Variants in UBIAD1 observed in about 807,000 individuals in gnomAD.
UBIAD1 encodes the protein ubiA prenyltransferase domain-containing protein 1.
Under a neutral mutation model 20.1 loss-of-function variants are expected in UBIAD1, and 12 were observed. The ratio of observed to expected loss-of-function variants is 0.60; its 90% CI spans 0.38 to 0.97. The LOEUF (loss-of-function observed/expected upper bound fraction) is 0.97, where lower values mean the gene tolerates loss of function less well. Among genes scored for constraint, UBIAD1 ranks in the 50% least tolerant of loss-of-function variants. The pLI is 0.00. For synonymous variants in UBIAD1, 207 were observed against 189.2 expected (o/e 1.09, Z -0.77); for missense variants, 333 against 419.5 (o/e 0.79, Z 1.80).
At chr1:11,293,006 G>A (rs899181852), downstream of UBIAD1, among the ~76,000 whole-genome samples, 1 of 152,158 alleles carries the variant, frequency 6.6e-6, no homozygotes, top group South Asian at 2.1e-4. Context: ...GCCTGAGGAG[G>A]GGGCAAAGGC....
chr1:11,291,057 G>A (rs192471599), downstream of UBIAD1, among the ~76,000 whole-genome samples: 575 of 152,294 alleles, frequency 3.8e-3, 4 homozygotes, highest in Non-Finnish European at 4.9e-3. Context: ...CTTCCATGCA[G>A]ATTAATATGA....
At chr1:11,278,595 T>C (rs554494402) in intron 1 of UBIAD1, 52 of 1,365,382 alleles carry the variant, frequency 3.8e-5, no homozygotes, top group Non-Finnish European at 4.6e-5. Flanking sequence ...TAAGACAAGT[T>C]TGAGATCCAC....
chr1:11,277,499 C>T (rs1445978331), intron 1 of UBIAD1, among the ~76,000 whole-genome samples: 1 of 151,540 alleles, frequency 6.6e-6, no homozygotes, highest in Admixed American at 6.6e-5. Flanking sequence ...CTCTCTAACT[C>T]CTCACCTCAA....
At chr1:11,294,707 AC>A (rs777023687) in intron 1 of UBIAD1, among the ~76,000 whole-genome samples, 5 of 152,180 alleles carry the variant, frequency 3.3e-5, no homozygotes, top group Admixed American at 6.5e-5. Flanking sequence ...GGTCTAACCT[AC>A]TCTGGCTGGC....
Position 11,273,959 on chromosome 1 carries a change from G to C in UBIAD1, c.428G>C (p.Cys143Ser). The C allele has an allele frequency of 6.2e-7, 1 of 1,614,218 alleles. No individual in the cohort carries two copies. Residue 143 changes from cysteine (C) to serine (S), a missense_variant, in exon 1 of 2, where the codon TGC (cysteine) becomes TCC (serine). Physicochemically the swap from Cys to Ser is moderately radical, Grantham distance 112 (BLOSUM62 -1). Transcript: ENST00000376810. This position sits in a 1 kb window ranked among gnomAD's most constrained non-coding sequence, Gnocchi z 4.9. Reference protein sequence around the residue: ...RFGVFLYTLGCVCAACLYYLS... With the variant: ...RFGVFLYTLGSVCAACLYYLS... ...GGAGTCTTCCTCTACACGTTGGGCT[G>C]CGTCTGTGCCGCTTGCCTCTACTAC...
In UBIAD1 at chr1:11,285,745, G is replaced by A; in HGVS notation, c.631G>A (p.Ala211Thr). The A allele has an allele frequency of 6.2e-7, 1 of 1,614,106 alleles. No homozygotes were observed. Among genetic ancestry groups the A allele is most frequent in the East Asian group, 2.2e-5 (1 of 44,880 alleles). The change falls in exon 2 of 2, where the codon GCC becomes ACC. Residue 211 changes from alanine to threonine, a missense_variant. Transcript: ENST00000376810. This position sits in a 1 kb window ranked among gnomAD's most constrained non-coding sequence, Gnocchi z 4.4. ...CTACGCCATCCAGGTGGGGTCCCTGGCCATCTTCCCACTGGTCTATGCCAT... is the reference window on the plus strand; with the variant it reads ...CTACGCCATCCAGGTGGGGTCCCTGACCATCTTCCCACTGGTCTATGCCAT... ...FAYAIQVGSL[A>T]IFPLVYAIPL...
chr1:11,287,493 A>C lies in UBIAD1; in HGVS notation c.*1362A>C, dbSNP rs1033568156. 3.3e-5 allele frequency: 5 copies of C among 152,352 alleles called. No individual in the cohort carries two copies. The highest frequency in any genetic ancestry group is 1.9e-4 in the East Asian group (1 of 5,190). 9.4% of individuals were successfully genotyped at this position (152,352 alleles called of 1,614,324 possible). On this transcript the variant is annotated 3_prime_UTR_variant, in exon 2 of 2. Coordinates refer to ENST00000376810, the MANE Select transcript of UBIAD1 (RefSeq NM_013319.3). ...CATCATTGTTTTCTGTTGTGATTAT[A>C]GCCATTCTAGTAGGCGTTTAAGGTC...
chr1:11,294,373 TC>T (rs369896631), intron 1 of UBIAD1, among the ~76,000 whole-genome samples: 98 of 152,272 alleles, frequency 6.4e-4, no homozygotes, highest in Middle Eastern at 3.4e-3. Context: ...GGTCTCAAAC[TC>T]CTGGCCTCAA....
chr1:11,295,005 AG>A (rs1638425055), exon 2 of UBIAD1: 1 of 713,462 alleles, frequency 1.4e-6, no homozygotes, highest in Admixed American at 2.0e-5. Flanking sequence ...AGGAGAGGGA[AG>A]TGAGCCCCTT....
downstream of UBIAD1, among the ~76,000 whole-genome samples, chr1:11,291,586 G>A (rs1475599654): frequency 7.2e-6 from 1 of 139,710 alleles, no homozygotes; most frequent in African/African-American, 2.7e-5. Flanking sequence ...CAGCCTGGGT[G>A]ACAGAGCGAG....
intron 1 of UBIAD1, among the ~76,000 whole-genome samples, chr1:11,280,957 C>T (rs1018789004): frequency 2.0e-5 from 3 of 152,180 alleles, no homozygotes; most frequent in African/African-American, 7.2e-5. Flanking sequence ...TACAGTGACT[C>T]CCTAGGGCCC....
downstream of UBIAD1, chr1:11,295,292 T>G (rs1010837143): frequency 4.9e-5 from 11 of 224,266 alleles, no homozygotes; most frequent in Non-Finnish European, 9.8e-5. Context: ...GAGGTGCTGA[T>G]GGACAGCTCA....
chr1:11,275,657 T>C (rs1333532443), intron 1 of UBIAD1, among the ~76,000 whole-genome samples: 3 of 152,144 alleles, frequency 2.0e-5, no homozygotes, highest in Middle Eastern at 6.8e-3. Context: ...GGCGGGAGAA[T>C]TGCTTGAGCC....
intron 1 of UBIAD1, 76 bp downstream of exon 1, chr1:11,274,136 T>C (rs144405850): frequency 4.0e-5 from 63 of 1,569,518 alleles, no homozygotes; most frequent in South Asian, 2.9e-4. Context: ...AAAGGAGTTA[T>C]AGGGATGTCA....
chr1:11,293,586 A>G (rs1638401467), intron 1 of UBIAD1: 1 of 152,172 alleles, frequency 6.6e-6, no homozygotes, highest in Non-Finnish European at 1.5e-5. Context: ...CAGGTGTGAG[A>G]GTTTGGACCA....
chr1:11,279,273 C>G, intron 1 of UBIAD1: 1 of 224,594 alleles, frequency 4.5e-6, no homozygotes, highest in Non-Finnish European at 9.7e-6. Flanking sequence ...ATACCATTGC[C>G]TATCAATAGC....
At chr1:11,295,044 G>T in exon 2 of UBIAD1, 1 of 686,338 alleles carries the variant, frequency 1.5e-6, no homozygotes, top group Non-Finnish European at 2.7e-6. Context: ...AGCATCTGGA[G>T]CTGACAATTG....
At chr1:11,277,366 C>T (rs1431336107) in intron 1 of UBIAD1, among the ~76,000 whole-genome samples, 2 of 147,474 alleles carry the variant, frequency 1.4e-5, no homozygotes, top group South Asian at 2.1e-4. Flanking sequence ...GCGATCTTGG[C>T]TTACCACAAT....
Position 11,286,155 on chromosome 1 carries a change from A to C in UBIAD1, c.*24A>C. ...AAGGGGACAAGTAGCTCCCCCCACG[A>C]CATGTCTCCCTTTCTTAGAATATAT... On this transcript the variant is annotated 3_prime_UTR_variant, in exon 2 of 2. Coordinates refer to ENST00000376810, the MANE Select transcript of UBIAD1 (RefSeq NM_013319.3). The C allele has an allele frequency of 6.2e-7, 1 of 1,614,108 alleles. No homozygotes were observed. The highest frequency in any genetic ancestry group is 2.2e-5 in the East Asian group (1 of 44,884).
Sources: gnomAD v4.1 joint callset for allele counts (sites outside exome capture counted in the v4.1 genomes callset) on GRCh38, gnomAD v4.1.1 for gene constraint, Gnocchi (gnomAD v3.1) non-coding constraint, MANE v1.5 for transcripts, NCBI Gene and HGNC (gene_info 2026-07-23, HGNC 2026-07-21) for gene names.